NALCN: variants seen among roughly 807,000 people sequenced by gnomAD.
The protein encoded by NALCN is sodium leak channel NALCN.
In NALCN, 111 loss-of-function variants were observed where a neutral mutation model predicts 225.3. That is an observed-to-expected ratio of 0.49 (90% CI 0.42 to 0.58). NALCN has a LOEUF of 0.58. Among genes scored for constraint, NALCN ranks in the 20% least tolerant of loss-of-function variants. The pLI, the probability that NALCN is intolerant of heterozygous loss-of-function variation, is 0.00. For missense variants in NALCN, 1,378 were observed against 2,202.4 expected (o/e 0.63, Z 7.49); for synonymous variants, 764 against 769.0 (o/e 0.99, Z 0.11).
chr13:101,055,082 C>T lies in NALCN; in HGVS notation c.*213G>A. 1 of 554,152 alleles carries T rather than the reference C, an allele frequency of 1.8e-6. No individual in the cohort carries two copies. Among genetic ancestry groups the T allele is most frequent in the Non-Finnish European group, 3.2e-6 (1 of 313,380 alleles). 34.3% of individuals were successfully genotyped at this position (554,152 alleles called of 1,614,324 possible). A position where few individuals can be genotyped will look rare whatever the true frequency, so the allele number is the denominator to read the frequency against. On this transcript the variant is annotated 3_prime_UTR_variant, in exon 44 of 44. Coordinates refer to ENST00000251127, the MANE Select transcript of NALCN (RefSeq NM_052867.4). ...TCATTTCTAATATTATCAGTACTGT[C>T]ATTATACAAAAATTTTTTTGAGCAA... is the stretch of plus-strand genomic sequence containing the variant.
At chr13:101,069,718 T>C (rs955629666) in intron 37 of NALCN, among the ~76,000 whole-genome samples, 2 of 152,226 alleles carry the variant, frequency 1.3e-5, no homozygotes, top group African/African-American at 4.8e-5. Context: ...GCTGCTGGTT[T>C]ATCGAGTAAT....
At chr13:101,154,312 T>A (rs1259790351) in intron 15 of NALCN, among the ~76,000 whole-genome samples, 2 of 152,214 alleles carry the variant, frequency 1.3e-5, no homozygotes, top group African/African-American at 2.4e-5. Flanking sequence ...TCTAAAACTG[T>A]TGTATACTGC....
At chr13:101,225,633 T>A (rs1191858403) in intron 13 of NALCN, among the ~76,000 whole-genome samples, 2 of 152,174 alleles carry the variant, frequency 1.3e-5, no homozygotes, top group African/African-American at 4.8e-5. Context: ...TGGGATTAGA[T>A]CTTACAATGG....
intron 27 of NALCN, among the ~76,000 whole-genome samples, chr13:101,098,451 G>A (rs2034632162): frequency 6.6e-6 from 1 of 152,086 alleles, no homozygotes; most frequent in South Asian, 2.1e-4. Flanking sequence ...TATCCTCAGC[G>A]TTTGTTTACA....
At chr13:101,114,625 T>G (rs978112472) in intron 18 of NALCN, among the ~76,000 whole-genome samples, 2 of 152,060 alleles carry the variant, frequency 1.3e-5, no homozygotes, top group Admixed American at 1.3e-4. Flanking sequence ...TGCGATTGAG[T>G]GGGGCTCTTC....
At chr13:101,161,701 G>A (rs749844620) in intron 15 of NALCN, among the ~76,000 whole-genome samples, 3 of 152,084 alleles carry the variant, frequency 2.0e-5, no homozygotes, top group Admixed American at 6.6e-5. Flanking sequence ...GTGAAACCCC[G>A]TCTCTTCTAA....
chr13:101,057,888 A>G (rs369779557), intron 43 of NALCN, 51 bp downstream of exon 43: 72 of 1,413,812 alleles, frequency 5.1e-5, no homozygotes, highest in Non-Finnish European at 6.6e-5. Context: ...CAAACAGAGT[A>G]AATACCTTTA....
At position 101,346,057 on chromosome 13, in the gene NALCN, T is replaced by TTCTCTC. The variant is rs767899309; in HGVS notation, c.645-643_645-638dup. 3.6e-3 allele frequency among the ~76,000 whole-genome samples: 270 copies of TTCTCTC among 75,482 alleles called. 4 individuals are homozygous for TTCTCTC. The highest frequency in any genetic ancestry group is 7.5e-3 in the South Asian group (13 of 1,730). The allele number at this position is 75,482 out of a possible 152,430, so 49.5% of individuals were successfully genotyped here. On this transcript the variant is annotated intron_variant, in intron 6 of 43. Transcript: ENST00000251127. The stretch of plus-strand genomic sequence containing the variant: ...TATATATATGAGACCTTGAGAGACT[T>TTCTCTC]TCTCTCTCTCTCTCTCTCTCTCTCT...
chr13:101,163,280 GC>G (rs1233680417), intron 15 of NALCN, among the ~76,000 whole-genome samples: 1 of 152,050 alleles, frequency 6.6e-6, no homozygotes, highest in Non-Finnish European at 1.5e-5. Context: ...TTCTGAATTA[GC>G]ACAATTAAAG....
At chr13:101,125,661 G>A (rs1195642068) in intron 17 of NALCN, among the ~76,000 whole-genome samples, 1 of 152,182 alleles carries the variant, frequency 6.6e-6, no homozygotes, top group Non-Finnish European at 1.5e-5. Context: ...ACGTAAAGGA[G>A]AAAACACAAG....
chr13:101,382,698 A>G (rs114641319), intron 3 of NALCN, among the ~76,000 whole-genome samples: 252 of 152,300 alleles, frequency 1.7e-3, no homozygotes, highest in African/African-American at 5.4e-3. Context: ...CAAACATCTT[A>G]ATTTCGAACG....
At chr13:101,269,037 T>C (rs1020013855) in intron 10 of NALCN, among the ~76,000 whole-genome samples, 4 of 152,198 alleles carry the variant, frequency 2.6e-5, no homozygotes, top group African/African-American at 4.8e-5. Context: ...CATGACTTCA[T>C]TATTGACTTG....
intron 3 of NALCN, among the ~76,000 whole-genome samples, chr13:101,381,681 C>A (rs77899667): frequency 6.6e-6 from 1 of 151,706 alleles, no homozygotes; most frequent in African/African-American, 2.4e-5. Context: ...ACTAGGGATA[C>A]GAGGGTGAAC....
chr13:101,375,346 T>C (rs1278483743), intron 6 of NALCN, among the ~76,000 whole-genome samples: 1 of 152,184 alleles, frequency 6.6e-6, no homozygotes, highest in Non-Finnish European at 1.5e-5. Context: ...AGGAGTAACC[T>C]AAATAATTTA....
In NALCN at chr13:101,124,567, C is replaced by T. The variant is rs754694761; in HGVS notation, c.2192+41G>A. 5 of 1,522,724 alleles carry T rather than the reference C, an allele frequency of 3.3e-6. No individual in the cohort carries two copies. In the East Asian group the frequency reaches 1.1e-4, roughly 34 times the overall value. 94.3% of individuals were successfully genotyped at this position (1,522,724 alleles called of 1,614,324 possible). ...AAGCTATTTTTCGATTAATATAATCCCACTTGTGTTTAAATATGTGTCAAC... is the reference window on the plus strand; with the variant it reads ...AAGCTATTTTTCGATTAATATAATCTCACTTGTGTTTAAATATGTGTCAAC... On this transcript the variant is annotated intron_variant, in intron 18 of 43. Transcript: ENST00000251127.
intron 27 of NALCN, among the ~76,000 whole-genome samples, chr13:101,096,993 C>T (rs1223647699): frequency 6.6e-6 from 1 of 152,104 alleles, no homozygotes; most frequent in Non-Finnish European, 1.5e-5. Context: ...CCTTTCTGTC[C>T]CTGGACCAGC....
rs772061447 is a variant in NALCN, at chr13:101,144,755, G to A, written c.1976+5C>T. ...AAATATGCAATTAAAGAAGTATTTTGGTACCTGATTTTAGGAACTGTAAAA... is the reference window on the plus strand; with the variant it reads ...AAATATGCAATTAAAGAAGTATTTTAGTACCTGATTTTAGGAACTGTAAAA... On this transcript the variant is annotated splice_donor_5th_base_variant and intron_variant, in intron 16 of 43. Transcript: ENST00000251127. 1.2e-6 allele frequency: 2 copies of A among 1,604,154 alleles called. No homozygotes were observed. The highest frequency in any genetic ancestry group is 1.7e-6 in the Non-Finnish European group (2 of 1,176,998).
At chr13:101,073,901 C>T (rs2033076325) in intron 36 of NALCN, among the ~76,000 whole-genome samples, 1 of 152,110 alleles carries the variant, frequency 6.6e-6, no homozygotes, top group South Asian at 2.1e-4. Context: ...TATTACCATT[C>T]ATCTTGAATG....
chr13:101,093,597 A>G (rs2034348382), intron 28 of NALCN, among the ~76,000 whole-genome samples: 2 of 152,198 alleles, frequency 1.3e-5, no homozygotes, highest in Non-Finnish European at 2.9e-5. Flanking sequence ...AATACCTTCC[A>G]TAAAATATTG....
Sources: allele counts gnomAD v4.1 joint callset (sites outside exome capture counted in the v4.1 genomes callset), GRCh38; gene constraint gnomAD v4.1.1; transcripts MANE v1.5; gene names NCBI Gene and HGNC (gene_info 2026-07-23, HGNC 2026-07-21).